The following ZNF350 variants were observed in gnomAD, a reference collection of about 807,000 sequenced individuals.
ZNF350 encodes the protein zinc finger protein 350.
A neutral mutation model predicts 13.1 loss-of-function variants in ZNF350; 5 were observed. That is an observed-to-expected ratio of 0.38 (90% CI 0.20 to 0.80). The LOEUF is 0.80. Among genes scored for constraint, ZNF350 ranks in the 30% least tolerant of loss-of-function variants. ZNF350 has a pLI of 0.43. For missense variants in ZNF350, 534 were observed against 644.2 expected (o/e 0.83, Z 1.85); for synonymous variants, 199 against 224.2 (o/e 0.89, Z 1.00).
intron 1 of ZNF350, among the ~76,000 whole-genome samples, chr19:51,982,306 C>T (rs1488828353): frequency 6.6e-6 from 1 of 151,874 alleles, no homozygotes; most frequent in Non-Finnish European, 1.5e-5. Flanking sequence ...TGTCAGCTCA[C>T]GGTTTGTTCC....
intron 1 of ZNF350, chr19:51,984,120 T>C (rs2086116821): frequency 6.6e-6 from 1 of 151,506 alleles, no homozygotes; most frequent in South Asian, 2.1e-4. Context: ...GAGGTTGCAG[T>C]TGAGCCAAGC....
In ZNF350 at chr19:51,966,071, TATC is replaced by T. The variant is rs1188462645; in HGVS notation, c.379_381del (p.Asp127del). The T allele has an allele frequency of 4.3e-6, 7 of 1,614,042 alleles. No individual in the cohort carries two copies. The highest frequency in any genetic ancestry group is 5.9e-6 in the Non-Finnish European group (7 of 1,180,042). On this transcript the variant is annotated inframe_deletion, in exon 5 of 5. Transcript: ENST00000243644. ...AAACTTTTTCCACGTAAGTCAAATA[TATC>T]ATGATTTTGCCCTAACAGAAACTGA...
rs766311200 is a variant in ZNF350 at position 51,965,501 on chromosome 19, A to G, written c.952T>C (p.Tyr318His). The G allele has an allele frequency of 6.2e-7, 1 of 1,614,164 alleles. No individual in the cohort carries two copies. The highest frequency in any genetic ancestry group is 1.3e-5 in the African/African-American group (1 of 75,048). ...HQRIHTGEKP[Y>H]ICNECGKGFI... ...CCTTTTCCACATTCATTGCATATAT[A>G]AGGTTTCTCACCTGTATGAATTCGC... The change falls in exon 5 of 5, where the codon TAT becomes CAT. Residue 318 changes from tyrosine to histidine, a missense_variant. Transcript: ENST00000243644.
At chr19:51,968,456 C>T in intron 4 of ZNF350, 122 bp downstream of exon 4, 4 of 858,360 alleles carry the variant, frequency 4.7e-6, no homozygotes, top group South Asian at 1.4e-5. Flanking sequence ...TGGTCTCACA[C>T]TGGGAGACAG....
chr19:51,984,026 A>T (rs1383941727), intron 1 of ZNF350: 2 of 152,044 alleles, frequency 1.3e-5, no homozygotes, highest in Non-Finnish European at 2.9e-5. Flanking sequence ...AAAATACAAA[A>T]ATTAGCCAGG....
chr19:51,978,738 G>T (rs1381998898), intron 1 of ZNF350, among the ~76,000 whole-genome samples: 1 of 152,060 alleles, frequency 6.6e-6, no homozygotes, highest in Non-Finnish European at 1.5e-5. Flanking sequence ...AACAAAAAGG[G>T]GGTATAGGAG....
intron 1 of ZNF350, chr19:51,980,918 G>T (rs1050984738): frequency 2.0e-5 from 3 of 152,078 alleles, no homozygotes; most frequent in African/African-American, 2.4e-5. Context: ...CTCTGTCTTC[G>T]GTTTATAGTC....
chr19:51,977,077 C>T (rs891137824), intron 1 of ZNF350, among the ~76,000 whole-genome samples: 38 of 152,204 alleles, frequency 2.5e-4, no homozygotes, highest in African/African-American at 9.2e-4. Context: ...AACATCTGTA[C>T]TGCCTCCTTC....
rs148749540 is a variant in ZNF350, at chr19:51,968,014, CAATTTTG to C, written c.238+557_238+563del. Reference sequence around the variant, plus strand: ...GAGTTTAAACTTACTAGAATGAAGGCAATTTTGAAGAGTGAAGGGCACAGATGAGAAA... The same window carrying C: ...GAGTTTAAACTTACTAGAATGAAGGCAAGAGTGAAGGGCACAGATGAGAAA... On this transcript the variant is annotated intron_variant, in intron 4 of 4. Coordinates refer to ENST00000243644, the MANE Select transcript of ZNF350 (RefSeq NM_021632.4). Among the ~76,000 whole-genome samples the C allele has an allele frequency of 7.3e-3, 1,110 of 152,186 alleles. 12 individuals carry two copies. The highest frequency in any genetic ancestry group is 0.025 in the African/African-American group (1,017 of 41,500).
chr19:51,976,161 C>T lies in ZNF350; in HGVS notation c.-171-1630G>A, dbSNP rs541000199. The stretch of plus-strand genomic sequence containing the variant: ...CAAGACTACTCTGGACCCCTGGCGC[C>T]GTTATCTACTGCGACATCTAGAGAA... On this transcript the variant is annotated intron_variant, in intron 1 of 4. Coordinates refer to ENST00000243644, the MANE Select transcript of ZNF350 (RefSeq NM_021632.4). The surrounding 1 kb of genome is among the most constrained non-coding windows in gnomAD (Gnocchi z 4.5). 5.5e-5 allele frequency among the ~76,000 whole-genome samples: 8 copies of T among 144,680 alleles called. No homozygotes were observed. In the East Asian group the frequency reaches 1.4e-3, roughly 26 times the overall value. 94.9% of individuals were successfully genotyped at this position (144,680 alleles called of 152,430 possible). A position where few individuals can be genotyped will look rare whatever the true frequency, so the allele number is the denominator to read the frequency against.
Position 51,966,090 on chromosome 19 carries a change from CAG to C in ZNF350, c.361_362del (p.Leu121ValfsTer6). On this transcript the variant is annotated frameshift_variant, in exon 5 of 5. Coordinates refer to ENST00000243644, the MANE Select transcript of ZNF350 (RefSeq NM_021632.4). LOFTEE classifies it low-confidence loss of function (END_TRUNC). The stretch of plus-strand genomic sequence containing the variant: ...CAAATATATCATGATTTTGCCCTAA[CAG>C]AAACTGACTTTTGCTGCAATGAACA... ...NIVHCSKSQF[L>X]LGQNHDIFDL... 6.2e-7 allele frequency: 1 copy of C among 1,614,054 alleles called. No homozygotes were observed. Among genetic ancestry groups the C allele is most frequent in the Non-Finnish European group, 8.5e-7 (1 of 1,180,032 alleles).
At position 51,965,122 on chromosome 19, in the gene ZNF350, G is replaced by A; in HGVS notation, c.1331C>T (p.Ser444Leu). 6.2e-7 allele frequency: 1 copy of A among 1,614,208 alleles called. No homozygotes were observed. The highest frequency in any genetic ancestry group is 8.5e-7 in the Non-Finnish European group (1 of 1,180,042). ...CTGCATGACATCACTGGTGTGTAATGAGCTGTGCCTCTCTGCAGGAGGATT... is the reference window on the plus strand; with the variant it reads ...CTGCATGACATCACTGGTGTGTAATAAGCTGTGCCTCTCTGCAGGAGGATT... ...VENPPAERHS[S>L]LHTSDVMQEK... The change falls in exon 5 of 5, where the codon TCA becomes TTA. Residue 444 changes from serine (S) to leucine (L), a missense_variant. Transcript: ENST00000243644.
At position 51,968,904 on chromosome 19, in the gene ZNF350, A is replaced by G. The variant is rs993540083; in HGVS notation, c.142+101T>C. ...GAGCAAGAGAAGGATCTGAGAATCT[A>G]CCACTTCAGAGTACTGCAGGCATTC... is the stretch of plus-strand genomic sequence containing the variant. On this transcript the variant is annotated intron_variant, in intron 3 of 4. Transcript: ENST00000243644. The G allele has an allele frequency of 1.7e-5, 27 of 1,608,948 alleles. No individual in the cohort carries two copies. In the Admixed American group the frequency reaches 3.2e-4, roughly 19 times the overall value.
chr19:51,971,089 G>A (rs1342790569), intron 2 of ZNF350, among the ~76,000 whole-genome samples: 2 of 152,156 alleles, frequency 1.3e-5, no homozygotes, highest in Non-Finnish European at 2.9e-5. Context: ...TCAATCTCTT[G>A]TCTCAGGATG....
intron 4 of ZNF350, among the ~76,000 whole-genome samples, chr19:51,967,128 G>C (rs144954728): frequency 2.7e-3 from 414 of 152,250 alleles, no homozygotes; most frequent in African/African-American, 9.6e-3. Flanking sequence ...TAATAATAAA[G>C]ACAGATTTGG....
intron 1 of ZNF350, 64 bp downstream of exon 1, chr19:51,986,706 C>T (rs1299745439): frequency 6.6e-6 from 1 of 152,420 alleles, no homozygotes; most frequent in Non-Finnish European, 1.5e-5. Context: ...ATCTCCCAAA[C>T]CTTCCACTGA....
Position 51,964,822 on chromosome 19 carries a change from A to T in ZNF350, c.*32T>A. ...CATAATGAACTACAAATTTTTGCTC[A>T]ACCCTTTTCCACATAGATCTGAGTT... On this transcript the variant is annotated 3_prime_UTR_variant, in exon 5 of 5. Coordinates refer to ENST00000243644, the MANE Select transcript of ZNF350 (RefSeq NM_021632.4). 6.4e-7 allele frequency: 1 copy of T among 1,574,438 alleles called. No individual in the cohort carries two copies. The highest frequency in any genetic ancestry group is 1.2e-5 in the South Asian group (1 of 84,834).
At chr19:51,978,049 G>A (rs370966700) in intron 1 of ZNF350, among the ~76,000 whole-genome samples, 4 of 152,110 alleles carry the variant, frequency 2.6e-5, no homozygotes, top group Non-Finnish European at 5.9e-5. Flanking sequence ...CTCTGTACTC[G>A]CCATAACAAA....
Position 51,965,561 on chromosome 19 carries a change from C to A in ZNF350, c.892G>T (p.Gly298Cys), listed in dbSNP as rs773787677. The change falls in exon 5 of 5, where the codon GGC becomes TGC. Residue 298 changes from glycine (G) to cysteine (C), a missense_variant. Gly to Cys is a radical substitution (Grantham distance 159). Coordinates refer to ENST00000243644, the MANE Select transcript of ZNF350 (RefSeq NM_021632.4). ...KPYICSECGK[G>C]FIQKGNLIVH... The stretch of plus-strand genomic sequence containing the variant: ...ATGAGATTTCCTTTCTGGATGAAGC[C>A]TTTTCCACATTCACTGCATATATAG... The A allele has an allele frequency of 3.7e-6, 6 of 1,614,028 alleles. No homozygotes were observed.
Sources: gnomAD v4.1 joint callset for allele counts (sites outside exome capture counted in the v4.1 genomes callset) on GRCh38, gnomAD v4.1.1 for gene constraint, Gnocchi (gnomAD v3.1) non-coding constraint, MANE v1.5 for transcripts, NCBI Gene and HGNC (gene_info 2026-07-23, HGNC 2026-07-21) for gene names.